PAPSS2: variants seen among roughly 807,000 people sequenced by gnomAD.
PAPSS2 encodes bifunctional 3'-phosphoadenosine 5'-phosphosulfate synthase 2.
PAPSS2 carries 61 observed loss-of-function variants against 66.5 expected under a neutral mutation model. The observed-to-expected ratio is 0.92, with a 90% CI of 0.75 to 1.14. The LOEUF is 1.14. Ranked by LOEUF, PAPSS2 falls within the 50% of genes most tolerant of loss-of-function variation. The pLI is 0.00. For missense variants in PAPSS2, 708 were observed against 789.6 expected (o/e 0.90, Z 1.24); for synonymous variants, 289 against 287.5 (o/e 1.01, Z -0.05).
chr10:87,714,632 TAA>T (rs1235115480), intron 4 of PAPSS2, 111 bp from the exon 5 acceptor site: 1 of 780,816 alleles, frequency 1.3e-6, no homozygotes, highest in African/African-American at 1.7e-5. Context: ...CCTTTTCTGT[TAA>T]AGTGTGAATT....
intron 1 of PAPSS2, chr10:87,703,967 A>T (rs1853350797): frequency 2.0e-6 from 1 of 489,218 alleles, no homozygotes; most frequent in African/African-American, 2.0e-5. Flanking sequence ...CCTTTTTCTG[A>T]CAGTCACTTT....
chr10:87,674,913 G>A (rs1852926783), intron 1 of PAPSS2, among the ~76,000 whole-genome samples: 1 of 152,162 alleles, frequency 6.6e-6, no homozygotes, highest in African/African-American at 2.4e-5. Context: ...ACTCCAAAAA[G>A]GGTAAGAAAC....
At position 87,744,351 on chromosome 10, in the gene PAPSS2, CAG is replaced by C. The variant is rs367643476; in HGVS notation, c.1492-647_1492-646del. On this transcript the variant is annotated intron_variant, in intron 11 of 12. Coordinates refer to ENST00000456849, the MANE Select transcript of PAPSS2 (RefSeq NM_001015880.2). ...ATCATAACACAGTGAGCTTATCAAACAGAGATTTTCTTTGTCCCACTGCACCA... is the reference window on the plus strand; with the variant it reads ...ATCATAACACAGTGAGCTTATCAAACAGATTTTCTTTGTCCCACTGCACCA... 2.9e-3 allele frequency among the ~76,000 whole-genome samples: 439 copies of C among 152,258 alleles called. 1 individual carries two copies. The highest frequency in any genetic ancestry group is 1.0e-2 in the African/African-American group (414 of 41,548).
intron 1 of PAPSS2, among the ~76,000 whole-genome samples, chr10:87,692,735 C>G (rs1162148484): frequency 2.0e-5 from 3 of 152,132 alleles, no homozygotes; most frequent in African/African-American, 4.8e-5. Context: ...GCTTAAATTC[C>G]TAAGAGAATC....
At chr10:87,743,123 G>A (rs756422783) in intron 10 of PAPSS2, among the ~76,000 whole-genome samples, 2 of 151,986 alleles carry the variant, frequency 1.3e-5, no homozygotes, top group Non-Finnish European at 2.9e-5. Context: ...GCACACGCCT[G>A]TAATCCCAGC....
At chr10:87,682,938 C>T (rs1019067205) in intron 1 of PAPSS2, among the ~76,000 whole-genome samples, 3 of 152,134 alleles carry the variant, frequency 2.0e-5, no homozygotes, top group East Asian at 1.9e-4. Context: ...GGAGATGCTG[C>T]GCGTGCTTTC....
intron 2 of PAPSS2, among the ~76,000 whole-genome samples, chr10:87,711,793 T>C (rs567004367): frequency 6.6e-6 from 1 of 152,292 alleles, no homozygotes; most frequent in Admixed American, 6.5e-5. Flanking sequence ...TCCTGCTTTT[T>C]CTGCCCTTTT....
chr10:87,734,674 T>C (rs1452944555), intron 9 of PAPSS2, among the ~76,000 whole-genome samples: 1,140 of 109,768 alleles, frequency 0.01, 27 homozygotes, highest in African/African-American at 0.028. Flanking sequence ...TATATATATA[T>C]ATATATATAT....
chr10:87,673,689 CTTTTT>C (rs34935261), intron 1 of PAPSS2, among the ~76,000 whole-genome samples: 60 of 67,414 alleles, frequency 8.9e-4, no homozygotes, highest in African/African-American at 2.5e-3. Flanking sequence ...TTTTGGCTTA[CTTTTT>C]TTTTTTTTTT....
At chr10:87,702,581 C>G (rs751344194) in intron 1 of PAPSS2, among the ~76,000 whole-genome samples, 9 of 152,174 alleles carry the variant, frequency 5.9e-5, no homozygotes, top group Non-Finnish European at 1.5e-5. Context: ...GCAATGAAAG[C>G]AGAGACCAGT....
In PAPSS2 at chr10:87,747,577, C is replaced by T. The variant is rs1853959490; in HGVS notation, c.*1607C>T. On this transcript the variant is annotated 3_prime_UTR_variant, in exon 13 of 13. Transcript: ENST00000456849. ...TGAGACAGGATTATAGTGCCTTAAC[C>T]GATATATTTTGTGACTTAAAAAATA... The T allele has an allele frequency of 6.6e-6, 1 of 152,166 alleles. No homozygotes were observed. The highest frequency in any genetic ancestry group is 2.1e-4 in the South Asian group (1 of 4,808). The allele number at this position is 152,166 out of a possible 1,614,324, so 9.4% of individuals were successfully genotyped here.
At chr10:87,704,077 G>C (rs778524055) in intron 1 of PAPSS2, 3 of 480,050 alleles carry the variant, frequency 6.2e-6, no homozygotes, top group South Asian at 3.1e-5. Context: ...TGCAGTTCAA[G>C]TATAATTCAA....
At chr10:87,686,918 GAAAT>G (rs1442794156) in intron 1 of PAPSS2, among the ~76,000 whole-genome samples, 1 of 152,140 alleles carries the variant, frequency 6.6e-6, no homozygotes, top group Non-Finnish European at 1.5e-5. Context: ...TATTTTCTGA[GAAAT>G]AAACCCTTAG....
intron 1 of PAPSS2, among the ~76,000 whole-genome samples, chr10:87,700,235 A>G (rs919909638): frequency 6.6e-6 from 1 of 152,234 alleles, no homozygotes; most frequent in Non-Finnish European, 1.5e-5. Flanking sequence ...TGTTGAGATC[A>G]TTTGAGAATC....
At chr10:87,666,862 G>A (rs1852821748) in intron 1 of PAPSS2, among the ~76,000 whole-genome samples, 3 of 151,934 alleles carry the variant, frequency 2.0e-5, no homozygotes, top group Admixed American at 2.0e-4. Context: ...GAGGAGCTCT[G>A]GGGGCTGCTG....
chr10:87,731,871 T>C (rs1414585980), intron 9 of PAPSS2, among the ~76,000 whole-genome samples: 1 of 152,194 alleles, frequency 6.6e-6, no homozygotes, highest in Non-Finnish European at 1.5e-5. Context: ...TGAGATAGAA[T>C]CTACTCCTGG....
chr10:87,734,703 A>ATATGTATG (rs1554868034), intron 9 of PAPSS2, among the ~76,000 whole-genome samples: 4 of 111,720 alleles, frequency 3.6e-5, no homozygotes, highest in African/African-American at 1.3e-4. Flanking sequence ...ATATATATAT[A>ATATGTATG]TATGTATGTA....
chr10:87,695,470 A>T (rs1284836267), intron 1 of PAPSS2, among the ~76,000 whole-genome samples: 2 of 152,228 alleles, frequency 1.3e-5, no homozygotes, highest in Non-Finnish European at 2.9e-5. Context: ...AGGGGGCAAA[A>T]GGCAAGGGGA....
intron 1 of PAPSS2, among the ~76,000 whole-genome samples, chr10:87,694,381 AC>A (rs1564714585): frequency 6.6e-6 from 1 of 152,340 alleles, no homozygotes; most frequent in East Asian, 1.9e-4. Context: ...AGTCTACACC[AC>A]CCAGGCAAAG....
Sources: gnomAD v4.1 joint callset for allele counts (sites outside exome capture counted in the v4.1 genomes callset) on GRCh38, gnomAD v4.1.1 for gene constraint, MANE v1.5 for transcripts, NCBI Gene and HGNC (gene_info 2026-07-23, HGNC 2026-07-21) for gene names.